EIF3L: variants seen among roughly 807,000 people sequenced by gnomAD.
The protein encoded by EIF3L is eukaryotic translation initiation factor 3 subunit L.
EIF3L carries 32 observed loss-of-function variants against 74.6 expected under a neutral mutation model. The observed-to-expected ratio is 0.43, with a 90% CI of 0.32 to 0.58. The LOEUF (loss-of-function observed/expected upper bound fraction) is 0.58. Among genes scored for constraint, EIF3L ranks in the 20% least tolerant of loss-of-function variants. EIF3L has a pLI of 0.06. For synonymous variants in EIF3L, 256 were observed against 254.4 expected (o/e 1.01, Z -0.06); for missense variants, 474 against 707.8 (o/e 0.67, Z 3.75).
chr22:37,852,358 C>T (rs891029787), intron 3 of EIF3L, among the ~76,000 whole-genome samples: 14 of 152,254 alleles, frequency 9.2e-5, no homozygotes, highest in Non-Finnish European at 1.6e-4. Context: ...AGATTTGAAC[C>T]TGCAGTGTCT....
At chr22:37,869,557 C>G (rs1010384961) in intron 7 of EIF3L, among the ~76,000 whole-genome samples, 12 of 152,142 alleles carry the variant, frequency 7.9e-5, no homozygotes, top group African/African-American at 2.4e-4. Context: ...CTGTTGTGTT[C>G]CATCTGTGTG....
At chr22:37,872,897 T>G (rs890306782) in intron 8 of EIF3L, among the ~76,000 whole-genome samples, 5 of 152,202 alleles carry the variant, frequency 3.3e-5, no homozygotes, top group Admixed American at 1.3e-4. Flanking sequence ...TTGAACTGTT[T>G]TATAGGTAGC....
At chr22:37,864,746 C>T (rs1028882226) in intron 7 of EIF3L, among the ~76,000 whole-genome samples, 1 of 152,124 alleles carries the variant, frequency 6.6e-6, no homozygotes, top group Non-Finnish European at 1.5e-5. Context: ...TCCATGTTGA[C>T]CAGGCTGGTC....
intron 7 of EIF3L, among the ~76,000 whole-genome samples, chr22:37,867,320 T>C (rs1480273569): frequency 6.6e-6 from 1 of 152,138 alleles, no homozygotes; most frequent in Non-Finnish European, 1.5e-5. Context: ...AACTGTTTTC[T>C]GTACTGGATA....
chr22:37,861,597 T>C (rs963939957), intron 5 of EIF3L, among the ~76,000 whole-genome samples: 11 of 151,784 alleles, frequency 7.2e-5, no homozygotes, highest in African/African-American at 2.4e-4. Flanking sequence ...GACGGAAGAA[T>C]CACTTGACCC....
At chr22:37,867,433 C>G (rs1256172520) in intron 7 of EIF3L, among the ~76,000 whole-genome samples, 3 of 152,018 alleles carry the variant, frequency 2.0e-5, no homozygotes, top group African/African-American at 7.2e-5. Flanking sequence ...CCAAGGCGGG[C>G]AGATCACTTG....
At chr22:37,874,685 A>T (rs989012052) in intron 9 of EIF3L, among the ~76,000 whole-genome samples, 161 bp downstream of exon 9, 1 of 152,158 alleles carries the variant, frequency 6.6e-6, no homozygotes, top group Non-Finnish European at 1.5e-5. Flanking sequence ...TGTGGTAAAA[A>T]GCTAGACCTG....
At chr22:37,874,998 C>T (rs1926669718) in intron 9 of EIF3L, among the ~76,000 whole-genome samples, 1 of 150,980 alleles carries the variant, frequency 6.6e-6, no homozygotes, top group African/African-American at 2.4e-5. Context: ...CTACCTCGGC[C>T]TCCCAAAATG....
Position 37,870,356 on chromosome 22 carries a change from A to T in EIF3L, c.751+9A>T. 1 of 1,592,416 alleles carries T rather than the reference A, an allele frequency of 6.3e-7. No individual in the cohort carries two copies. The highest frequency in any genetic ancestry group is 1.3e-5 in the African/African-American group (1 of 74,492). ...GGTATACACAAGCGGAGGTGAGTGC[A>T]GCAGGCCGACAGCCGTGGCCTGCGA... On this transcript the variant is annotated intron_variant, in intron 8 of 12. Coordinates refer to ENST00000652021, the MANE Select transcript of EIF3L (RefSeq NM_016091.4).
chr22:37,858,964 C>G (rs1195816430), intron 5 of EIF3L, among the ~76,000 whole-genome samples: 1 of 151,840 alleles, frequency 6.6e-6, no homozygotes, highest in Non-Finnish European at 1.5e-5. Flanking sequence ...TTCTCTGTCC[C>G]CACAATTCTC....
intron 11 of EIF3L, chr22:37,885,197 T>C (rs1345560966): frequency 6.6e-6 from 1 of 152,190 alleles, no homozygotes; most frequent in East Asian, 1.9e-4. Context: ...AGTGCTGGGA[T>C]TGCAGGTGTG....
At chr22:37,856,793 G>A (rs987940575) in intron 4 of EIF3L, among the ~76,000 whole-genome samples, 7 of 151,104 alleles carry the variant, frequency 4.6e-5, no homozygotes, top group African/African-American at 9.7e-5. Flanking sequence ...GCGGTGAGCC[G>A]AGATCGCGCC....
intron 7 of EIF3L, among the ~76,000 whole-genome samples, chr22:37,869,398 TG>T (rs1926355503): frequency 6.6e-6 from 1 of 152,178 alleles, no homozygotes; most frequent in Admixed American, 6.5e-5. Flanking sequence ...CCCAAAGTGC[TG>T]GGTTTACAGG....
chr22:37,866,862 G>A lies in EIF3L; in HGVS notation c.580-3314G>A, dbSNP rs1238460333. Among the ~76,000 whole-genome samples the A allele has an allele frequency of 9.9e-5, 15 of 152,040 alleles. 1 individual carries two copies. Among genetic ancestry groups the A allele is most frequent in the Admixed American group, 9.8e-4 (15 of 15,252 alleles). On this transcript the variant is annotated intron_variant, in intron 7 of 12. Coordinates refer to ENST00000652021, the MANE Select transcript of EIF3L (RefSeq NM_016091.4). The stretch of plus-strand genomic sequence containing the variant: ...GGTGTAGTTTAATATACAATAAAAT[G>A]TACCAGAATCAGTGTACAGTGGATG...
intron 9 of EIF3L, 83 bp from the exon 10 acceptor site, chr22:37,875,758 G>A: frequency 7.1e-7 from 1 of 1,401,592 alleles, no homozygotes; most frequent in Non-Finnish European, 9.8e-7. Context: ...GGCCTCTGCA[G>A]GGAAAACTCT....
chr22:37,874,482 C>T lies in EIF3L; in HGVS notation c.864C>T (p.Tyr288=). The T allele has an allele frequency of 6.2e-7, 1 of 1,614,144 alleles. No homozygotes were observed. Among genetic ancestry groups the T allele is most frequent in the Non-Finnish European group, 8.5e-7 (1 of 1,180,008 alleles). ...LRLHSLLGDY[Y]QAIKVLENIE... ...TGCACTCCCTGTTAGGAGATTACTA[C>T]CAGGCCATCAAGGTGCTGGAGAACA... Residue 288 remains tyrosine, a synonymous_variant, in exon 9 of 13, where the codon TAC becomes TAT. Transcript: ENST00000652021.
chr22:37,878,521 T>TCGTGCCCA (rs1382007841), intron 11 of EIF3L: 9 of 171,316 alleles, frequency 5.3e-5, no homozygotes, highest in Non-Finnish European at 2.5e-5. Flanking sequence ...TAGAATGTGA[T>TCGTGCCCA]GGCACGATCT....
chr22:37,863,224 G>A (rs758385893), intron 6 of EIF3L, 48 bp from the exon 7 acceptor site: 26 of 1,513,918 alleles, frequency 1.7e-5, no homozygotes, highest in South Asian at 5.8e-5. Context: ...CTACAGAATG[G>A]GCAGAGTCAT....
intron 8 of EIF3L, among the ~76,000 whole-genome samples, chr22:37,871,704 C>G (rs1926479224): frequency 6.6e-6 from 1 of 151,768 alleles, no homozygotes; most frequent in Non-Finnish European, 1.5e-5. Flanking sequence ...CTCATCTCTA[C>G]TAAAAATACA....
Sources: gnomAD v4.1 joint callset for allele counts (sites outside exome capture counted in the v4.1 genomes callset) on GRCh38, gnomAD v4.1.1 for gene constraint, MANE v1.5 for transcripts, NCBI Gene and HGNC (gene_info 2026-07-23, HGNC 2026-07-21) for gene names.